CRPPA: variants seen among roughly 807,000 people sequenced by gnomAD.
CRPPA encodes D-ribitol-5-phosphate cytidylyltransferase.
A neutral mutation model predicts 52.0 loss-of-function variants in CRPPA; 43 were observed. That is an observed-to-expected ratio of 0.83 (90% CI 0.65 to 1.07). CRPPA has a LOEUF of 1.07. CRPPA is among the 50% of genes least tolerant of loss of function. The pLI, the probability that CRPPA is intolerant of heterozygous loss-of-function variation, is 0.00. For missense variants in CRPPA, 629 were observed against 551.7 expected (o/e 1.14, Z -1.40); for synonymous variants, 250 against 203.5 (o/e 1.23, Z -1.94).
At chr7:16,208,292 C>T (rs34458550) in intron 9 of CRPPA, among the ~76,000 whole-genome samples, 35,084 of 151,974 alleles carry the variant, frequency 0.23, 4,850 homozygotes, top group South Asian at 0.43. Context: ...ATAACTTATA[C>T]CTCTATTTTT....
At chr7:16,252,172 T>C (rs1783474182) in intron 8 of CRPPA, among the ~76,000 whole-genome samples, 1 of 151,906 alleles carries the variant, frequency 6.6e-6, no homozygotes, top group Non-Finnish European at 1.5e-5. Flanking sequence ...TGGCAAACGA[T>C]ATCCAGCAGC....
chr7:16,397,849 T>C (rs1383767423), intron 2 of CRPPA, among the ~76,000 whole-genome samples: 1 of 152,118 alleles, frequency 6.6e-6, no homozygotes, highest in Middle Eastern at 3.2e-3. Flanking sequence ...CAACACGTAA[T>C]CATCACGTGA....
intron 9 of CRPPA, among the ~76,000 whole-genome samples, chr7:16,117,891 C>T (rs1158498651): frequency 1.3e-5 from 2 of 152,198 alleles, no homozygotes; most frequent in African/African-American, 4.8e-5. Flanking sequence ...TTGTAACTTA[C>T]TTCCCCACCT....
chr7:16,419,917 T>G (rs1788286123), intron 1 of CRPPA, among the ~76,000 whole-genome samples: 1 of 152,162 alleles, frequency 6.6e-6, no homozygotes, highest in African/African-American at 2.4e-5. Flanking sequence ...ATAATAAAAC[T>G]CCAATCTCCC....
intron 8 of CRPPA, among the ~76,000 whole-genome samples, chr7:16,234,644 T>C (rs551520780): frequency 4.6e-5 from 7 of 152,274 alleles, no homozygotes; most frequent in South Asian, 2.1e-4. Context: ...CCTTCTTTTC[T>C]GCAAGTCATC....
At chr7:16,398,291 C>T (rs945642457) in intron 2 of CRPPA, among the ~76,000 whole-genome samples, 7 of 151,866 alleles carry the variant, frequency 4.6e-5, no homozygotes, top group African/African-American at 1.7e-4. Flanking sequence ...AAGACAAACA[C>T]GTGACTGACA....
At chr7:16,286,034 AAAAAATATAAATATAT>A (rs1784423194) in intron 5 of CRPPA, among the ~76,000 whole-genome samples, 9 of 21,354 alleles carry the variant, frequency 4.2e-4, no homozygotes, top group African/African-American at 6.2e-4. Context: ...AAAAAAAAAA[AAAAAATATAAATATAT>A]ATATATATAT....
At chr7:16,204,523 T>A (rs965089666) in intron 9 of CRPPA, among the ~76,000 whole-genome samples, 2 of 152,052 alleles carry the variant, frequency 1.3e-5, no homozygotes, top group Non-Finnish European at 2.9e-5. Flanking sequence ...ATGGGCAGAA[T>A]GTACACTATT....
At chr7:16,147,526 C>T (rs574503549) in intron 9 of CRPPA, among the ~76,000 whole-genome samples, 1 of 152,264 alleles carries the variant, frequency 6.6e-6, no homozygotes, top group South Asian at 2.1e-4. Context: ...TATGCACTTA[C>T]TTATCTTTGT....
intron 9 of CRPPA, among the ~76,000 whole-genome samples, chr7:16,158,831 G>A (rs1356990091): frequency 1.3e-5 from 2 of 152,052 alleles, no homozygotes; most frequent in African/African-American, 4.8e-5. Context: ...TGCTGGCTGG[G>A]GATTGTACTT....
At chr7:16,398,737 A>C (rs1787694217) in intron 2 of CRPPA, among the ~76,000 whole-genome samples, 1 of 152,158 alleles carries the variant, frequency 6.6e-6, no homozygotes, top group African/African-American at 2.4e-5. Context: ...CCAACACTTA[A>C]CCAATGCCTG....
At chr7:16,205,861 C>T (rs753152072) in intron 9 of CRPPA, among the ~76,000 whole-genome samples, 5 of 151,022 alleles carry the variant, frequency 3.3e-5, no homozygotes, top group East Asian at 1.9e-4. Flanking sequence ...ATCTTAAATA[C>T]GAAGCCAGAA....
chr7:16,346,848 T>C (rs1224307274), intron 3 of CRPPA, among the ~76,000 whole-genome samples: 2 of 151,936 alleles, frequency 1.3e-5, no homozygotes, highest in East Asian at 3.9e-4. Flanking sequence ...CCAACGTAGC[T>C]ACCTCCCTTT....
At chr7:16,189,987 T>C (rs985747996) in intron 9 of CRPPA, among the ~76,000 whole-genome samples, 13 of 152,160 alleles carry the variant, frequency 8.5e-5, no homozygotes, top group African/African-American at 3.1e-4. Flanking sequence ...TATTAGATAA[T>C]AGTAGAGGGA....
At chr7:16,183,703 T>C (rs1290284314) in intron 9 of CRPPA, among the ~76,000 whole-genome samples, 1 of 152,024 alleles carries the variant, frequency 6.6e-6, no homozygotes, top group Non-Finnish European at 1.5e-5. Context: ...GTATAGGCAA[T>C]TGAAAAGATG....
chr7:16,193,785 T>A (rs1304372816), intron 9 of CRPPA, among the ~76,000 whole-genome samples: 4 of 151,950 alleles, frequency 2.6e-5, no homozygotes, highest in Non-Finnish European at 4.4e-5. Flanking sequence ...GGGACAAAAA[T>A]ACCTCAAGGC....
At chr7:16,354,950 C>G (rs1471003659) in intron 3 of CRPPA, among the ~76,000 whole-genome samples, 1 of 152,026 alleles carries the variant, frequency 6.6e-6, no homozygotes, top group Non-Finnish European at 1.5e-5. Flanking sequence ...AGACAATATG[C>G]TATAAAAATG....
intron 2 of CRPPA, among the ~76,000 whole-genome samples, chr7:16,394,231 G>T (rs1787515982): frequency 1.3e-5 from 2 of 152,028 alleles, no homozygotes; most frequent in African/African-American, 4.8e-5. Context: ...CAAAAAATTA[G>T]AAAACAAATG....
chr7:16,207,553 C>T (rs1185131499), intron 9 of CRPPA, among the ~76,000 whole-genome samples: 1 of 152,178 alleles, frequency 6.6e-6, no homozygotes, highest in Non-Finnish European at 1.5e-5. Context: ...AGATATCTCC[C>T]TCACTCACAT....
Sources: gnomAD v4.1 joint callset for allele counts (sites outside exome capture counted in the v4.1 genomes callset) on GRCh38, gnomAD v4.1.1 for gene constraint, MANE v1.5 for transcripts, NCBI Gene and HGNC (gene_info 2026-07-23, HGNC 2026-07-21) for gene names.